MTUS2: variants seen among roughly 807,000 people sequenced by gnomAD.
MTUS2 encodes microtubule associated scaffold protein 2.
MTUS2 carries 40 observed loss-of-function variants against 114.1 expected under a neutral mutation model. The ratio of observed to expected loss-of-function variants is 0.35; its 90% CI spans 0.27 to 0.46. The LOEUF (loss-of-function observed/expected upper bound fraction) is 0.46. Among genes scored for constraint, MTUS2 ranks in the 20% least tolerant of loss-of-function variants. MTUS2 has a pLI of 1.00. For synonymous variants in MTUS2, 688 were observed against 672.0 expected (o/e 1.02, Z -0.37); for missense variants, 1,679 against 1,705.4 (o/e 0.98, Z 0.27).
At chr13:28,842,212 AT>A (rs942008624) in intron 2 of MTUS2, among the ~76,000 whole-genome samples, 17 of 149,536 alleles carry the variant, frequency 1.1e-4, no homozygotes, top group African/African-American at 2.2e-4. Context: ...AAAAATGTGG[AT>A]TTTTTTTTTA....
At chr13:28,890,545 A>G (rs1878858975) in intron 2 of MTUS2, among the ~76,000 whole-genome samples, 1 of 152,232 alleles carries the variant, frequency 6.6e-6, no homozygotes, top group South Asian at 2.1e-4. Context: ...AAATGAAAAA[A>G]GTAAAATATT....
intron 2 of MTUS2, among the ~76,000 whole-genome samples, chr13:28,910,625 T>C (rs1880358204): frequency 6.6e-6 from 1 of 151,980 alleles, no homozygotes; most frequent in Non-Finnish European, 1.5e-5. Context: ...AGTGAAAACA[T>C]GCAGTGTTTG....
At chr13:28,834,190 T>C (rs1381454266) in intron 1 of MTUS2, among the ~76,000 whole-genome samples, 2 of 152,014 alleles carry the variant, frequency 1.3e-5, no homozygotes, top group Non-Finnish European at 2.9e-5. Context: ...CAAATTGATA[T>C]GGAAATGCAA....
intron 4 of MTUS2, among the ~76,000 whole-genome samples, chr13:29,034,583 C>A (rs190823374): frequency 1.3e-5 from 2 of 152,252 alleles, no homozygotes; most frequent in African/African-American, 4.8e-5. Context: ...AGGAGAACTC[C>A]GGGTTTCTGG....
chr13:29,345,741 T>A (rs188582249), intron 7 of MTUS2, among the ~76,000 whole-genome samples: 4 of 152,250 alleles, frequency 2.6e-5, no homozygotes. Context: ...TTTTGTCATA[T>A]TACTGGAATT....
At chr13:28,975,802 T>G (rs1884068197) in intron 2 of MTUS2, among the ~76,000 whole-genome samples, 1 of 152,196 alleles carries the variant, frequency 6.6e-6, no homozygotes, top group Non-Finnish European at 1.5e-5. Flanking sequence ...TCAGCTTATT[T>G]TTTGCTTTCC....
At chr13:28,904,130 A>G (rs375653588) in intron 2 of MTUS2, among the ~76,000 whole-genome samples, 34 of 151,950 alleles carry the variant, frequency 2.2e-4, no homozygotes, top group African/African-American at 6.5e-4. Flanking sequence ...TTGTAAATTT[A>G]TTGGAGTTCA....
intron 6 of MTUS2, among the ~76,000 whole-genome samples, chr13:29,305,461 C>A (rs1454273869): frequency 1.3e-5 from 2 of 148,624 alleles, no homozygotes; most frequent in East Asian, 3.9e-4. Flanking sequence ...GGAATATTAC[C>A]ACTGACCCTA....
intron 8 of MTUS2, among the ~76,000 whole-genome samples, chr13:29,434,394 G>T (rs1473917631): frequency 6.6e-6 from 1 of 152,172 alleles, no homozygotes; most frequent in Non-Finnish European, 1.5e-5. Context: ...GCCTTGCCCT[G>T]CTGGGTTAGA....
At chr13:29,259,632 T>A (rs909353966) in intron 5 of MTUS2, among the ~76,000 whole-genome samples, 2 of 152,260 alleles carry the variant, frequency 1.3e-5, no homozygotes, top group African/African-American at 4.8e-5. Flanking sequence ...CAAATGATTT[T>A]ATGATAGATT....
At chr13:28,976,349 A>G (rs991420937) in intron 2 of MTUS2, among the ~76,000 whole-genome samples, 4 of 152,174 alleles carry the variant, frequency 2.6e-5, no homozygotes, top group African/African-American at 9.7e-5. Flanking sequence ...AAACAGTTTG[A>G]TATTACTAAA....
rs1362709177 is a variant in MTUS2 at position 28,971,473 on chromosome 13, T to C, written c.-242-52984T>C. 2.0e-5 allele frequency among the ~76,000 whole-genome samples: 3 copies of C among 152,108 alleles called. No homozygotes were observed. The East Asian group carries it at 5.8e-4, about 29-fold the overall frequency. Reference sequence around the variant, plus strand: ...TGTTCTCTCAAGCTGAAAAAGAAATTGTAATGAAGAATTCAAGTTAATAGG... The same window carrying C: ...TGTTCTCTCAAGCTGAAAAAGAAATCGTAATGAAGAATTCAAGTTAATAGG... On this transcript the variant is annotated intron_variant, in intron 2 of 15. Coordinates refer to ENST00000612955, the MANE Select transcript of MTUS2 (RefSeq NM_001033602.4).
In MTUS2 at chr13:29,272,174, A is replaced by G. The variant is rs1023167; in HGVS notation, c.2645-9530A>G. On this transcript the variant is annotated intron_variant, in intron 5 of 15. Transcript: ENST00000612955. ...AATATGCAGAATGGGGAAATAAAAC[A>G]TTCAGTTGATACTTTAATAATTAAA... 1.8e-3 allele frequency among the ~76,000 whole-genome samples: 280 copies of G among 152,334 alleles called. 1 individual carries two copies. The highest frequency in any genetic ancestry group is 6.4e-3 in the African/African-American group (268 of 41,576).
At chr13:29,296,283 G>A (rs1177491053) in intron 6 of MTUS2, among the ~76,000 whole-genome samples, 2 of 152,032 alleles carry the variant, frequency 1.3e-5, no homozygotes, top group Non-Finnish European at 2.9e-5. Flanking sequence ...TGCGATTATG[G>A]CTCACTGCAG....
chr13:29,469,488 G>C (rs185284202), intron 9 of MTUS2, among the ~76,000 whole-genome samples: 1 of 152,028 alleles, frequency 6.6e-6, no homozygotes, highest in Non-Finnish European at 1.5e-5. Context: ...TTAGTTGGGC[G>C]TGGTGGTGGG....
intron 2 of MTUS2, among the ~76,000 whole-genome samples, chr13:28,962,275 G>A (rs1883366601): frequency 6.6e-6 from 1 of 151,978 alleles, no homozygotes; most frequent in South Asian, 2.1e-4. Context: ...GTCTAGATGT[G>A]TTTTCATCTC....
intron 4 of MTUS2, among the ~76,000 whole-genome samples, chr13:29,035,910 T>G (rs1054638163): frequency 6.6e-6 from 1 of 151,884 alleles, no homozygotes; most frequent in Admixed American, 6.6e-5. Context: ...TTTGGGAGAC[T>G]GAGGTGGACG....
intron 4 of MTUS2, among the ~76,000 whole-genome samples, chr13:29,046,221 T>C (rs888682186): frequency 2.0e-5 from 3 of 151,706 alleles, no homozygotes; most frequent in Non-Finnish European, 4.4e-5. Context: ...TGAGCAATCC[T>C]CTCACCTCAG....
chr13:29,074,410 T>C (rs1180808133), intron 4 of MTUS2, among the ~76,000 whole-genome samples: 1 of 152,158 alleles, frequency 6.6e-6, no homozygotes, highest in Non-Finnish European at 1.5e-5. Flanking sequence ...TAGCACCCTT[T>C]AGTGTCATTT....
Sources: allele counts gnomAD v4.1 joint callset (sites outside exome capture counted in the v4.1 genomes callset), GRCh38; gene constraint gnomAD v4.1.1; transcripts MANE v1.5; gene names NCBI Gene and HGNC (gene_info 2026-07-23, HGNC 2026-07-21).